The following ALG5 variants were observed in gnomAD, a reference collection of about 807,000 sequenced individuals.
ALG5 encodes ALG5 dolichyl-phosphate beta-glucosyltransferase.
A neutral mutation model predicts 51.8 loss-of-function variants in ALG5; 26 were observed. That is an observed-to-expected ratio of 0.50 (90% CI 0.37 to 0.70). The LOEUF is 0.70. Among genes scored for constraint, ALG5 ranks in the 30% least tolerant of loss-of-function variants. ALG5 has a pLI of 0.00. For synonymous variants in ALG5, 141 were observed against 136.1 expected (o/e 1.04, Z -0.25); for missense variants, 311 against 399.3 (o/e 0.78, Z 1.88).
chr13:36,960,399 G>T (rs540706404), intron 8 of ALG5, among the ~76,000 whole-genome samples: 1 of 151,760 alleles, frequency 6.6e-6, no homozygotes, highest in Non-Finnish European at 1.5e-5. Context: ...TGGAAATTGG[G>T]GCAAGGAATT....
rs1489739199 is a variant in ALG5 at position 36,959,281 on chromosome 13, C to A, written c.773+6294G>T. Among the ~76,000 whole-genome samples, 3 of 151,896 alleles carry A rather than the reference C, an allele frequency of 2.0e-5. No individual in the cohort carries two copies. The East Asian group carries it at 5.8e-4, about 29-fold the overall frequency. The stretch of plus-strand genomic sequence containing the variant: ...GGGAATAAGGTTTTTTTTTGGAGAT[C>A]TATTATACAATGTAGTGATTATAGT... On this transcript the variant is annotated intron_variant, in intron 8 of 9. Transcript: ENST00000239891.
chr13:36,989,616 A>AT lies in ALG5; in HGVS notation c.355-41dup, dbSNP rs762980157. On this transcript the variant is annotated intron_variant, in intron 4 of 9. Coordinates refer to ENST00000239891, the MANE Select transcript of ALG5 (RefSeq NM_013338.5). Reference sequence around the variant, plus strand: ...AAAAATCAGAATAAAATTAATTTGGATTAAAGAGAATTATATAAGCTGTGT... The same window carrying AT: ...AAAAATCAGAATAAAATTAATTTGGATTTAAAGAGAATTATATAAGCTGTGT... 14 of 1,452,114 alleles carry AT rather than the reference A, an allele frequency of 9.6e-6. 1 individual carries two copies. In the East Asian group the frequency reaches 1.7e-4, roughly 18 times the overall value. 90.0% of individuals were successfully genotyped at this position (1,452,114 alleles called of 1,614,324 possible).
chr13:36,995,351 G>C (rs555938821), intron 2 of ALG5, 74 bp downstream of exon 2: 1 of 1,468,302 alleles, frequency 6.8e-7, no homozygotes, highest in African/African-American at 1.4e-5. Flanking sequence ...GGCAAAGACA[G>C]TGAAGTCAAA....
chr13:36,949,759 T>A lies in ALG5; in HGVS notation c.*183A>T, dbSNP rs2138773006. 2.3e-6 allele frequency: 1 copy of A among 429,908 alleles called. No homozygotes were observed. The highest frequency in any genetic ancestry group is 3.5e-5 in the East Asian group (1 of 28,366). 26.6% of individuals were successfully genotyped at this position (429,908 alleles called of 1,614,324 possible). ...AATCTGACTTTTTAAATAAACATCTTTTAAAAATCATTTATATCCAAAGAG... is the reference window on the plus strand; with the variant it reads ...AATCTGACTTTTTAAATAAACATCTATTAAAAATCATTTATATCCAAAGAG... On this transcript the variant is annotated 3_prime_UTR_variant, in exon 10 of 10. Transcript: ENST00000239891.
Position 36,972,056 on chromosome 13 carries a change from T to G in ALG5, c.562-20A>C. 2 of 1,565,972 alleles carry G rather than the reference T, an allele frequency of 1.3e-6. No homozygotes were observed. Among genetic ancestry groups the G allele is most frequent in the Non-Finnish European group, 1.7e-6 (2 of 1,149,480 alleles). On this transcript the variant is annotated intron_variant, in intron 6 of 9. Transcript: ENST00000239891. ...TTGATTCTGAGGGAAAAAGCAGAGA[T>G]AGTTTTTCAATATTTAAATATCACT...
At chr13:36,979,805 T>C (rs191496199) in intron 6 of ALG5, among the ~76,000 whole-genome samples, 7 of 152,256 alleles carry the variant, frequency 4.6e-5, no homozygotes, top group Admixed American at 3.9e-4. Flanking sequence ...CCCAGCACTT[T>C]GGGGGCCAAG....
chr13:36,969,924 TTAAA>T (rs2058913867), intron 7 of ALG5, among the ~76,000 whole-genome samples: 1 of 152,066 alleles, frequency 6.6e-6, no homozygotes, highest in Admixed American at 6.6e-5. Context: ...TCCCATGTTA[TTAAA>T]TAGTCTCCAT....
chr13:36,965,241 G>T (rs1444769420), intron 8 of ALG5, among the ~76,000 whole-genome samples: 1 of 152,100 alleles, frequency 6.6e-6, no homozygotes, highest in African/African-American at 2.4e-5. Context: ...TCCGTAGAAG[G>T]AAGAAAAGAG....
intron 7 of ALG5, among the ~76,000 whole-genome samples, chr13:36,968,595 C>T (rs1464325196): frequency 6.6e-6 from 1 of 152,084 alleles, no homozygotes; most frequent in Non-Finnish European, 1.5e-5. Context: ...GTTTGTCTTC[C>T]AAGGGAGCAG....
intron 7 of ALG5, among the ~76,000 whole-genome samples, chr13:36,969,671 A>AT (rs1181036129): frequency 6.6e-6 from 1 of 151,920 alleles, no homozygotes; most frequent in African/African-American, 2.4e-5. Context: ...AGTAGCTGGG[A>AT]TTACAGGTGG....
chr13:36,987,921 C>T (rs1593682462), intron 5 of ALG5, among the ~76,000 whole-genome samples: 2 of 152,290 alleles, frequency 1.3e-5, no homozygotes, highest in African/African-American at 2.4e-5. Context: ...AAAAGCCCCT[C>T]GTCTACAGTT....
At chr13:36,995,763 G>A (rs1187184160) in intron 1 of ALG5, among the ~76,000 whole-genome samples, 167 bp from the exon 2 acceptor site, 2 of 152,140 alleles carry the variant, frequency 1.3e-5, no homozygotes. Context: ...AGACAATAGT[G>A]AGTCCCCTAC....
chr13:36,967,174 G>T (rs1248415584), intron 7 of ALG5, among the ~76,000 whole-genome samples: 2 of 148,912 alleles, frequency 1.3e-5, no homozygotes, highest in African/African-American at 5.0e-5. Flanking sequence ...AATGAGCCGA[G>T]ATGGCGCCAC....
At chr13:36,997,979 A>G (rs2059059198) in intron 1 of ALG5, among the ~76,000 whole-genome samples, 1 of 152,242 alleles carries the variant, frequency 6.6e-6, no homozygotes, top group South Asian at 2.1e-4. Flanking sequence ...AATGCTAATG[A>G]TAACATATAT....
intron 6 of ALG5, among the ~76,000 whole-genome samples, chr13:36,981,397 CCT>C (rs1593677585): frequency 6.6e-6 from 1 of 152,252 alleles, no homozygotes; most frequent in East Asian, 1.9e-4. Flanking sequence ...AACCCACGTT[CCT>C]GTTTCATTAT....
chr13:36,967,862 GA>G, intron 7 of ALG5: 1 of 1,070,602 alleles, frequency 9.3e-7, no homozygotes, highest in Non-Finnish European at 1.3e-6. Flanking sequence ...ATTAAAGGTA[GA>G]AAAACAATAC....
chr13:36,973,862 C>T (rs946922570), intron 6 of ALG5, among the ~76,000 whole-genome samples: 5 of 152,116 alleles, frequency 3.3e-5, no homozygotes, highest in South Asian at 2.1e-4. Context: ...AAGAGTAATG[C>T]GAATAAAACC....
At chr13:36,971,759 C>T (rs551155060) in intron 7 of ALG5, among the ~76,000 whole-genome samples, 3 of 150,368 alleles carry the variant, frequency 2.0e-5, no homozygotes, top group Non-Finnish European at 2.9e-5. Context: ...TAAGGCAAAG[C>T]GAAGTCCACA....
intron 9 of ALG5, among the ~76,000 whole-genome samples, chr13:36,950,797 G>A (rs564925300): frequency 2.6e-5 from 4 of 151,984 alleles, no homozygotes; most frequent in African/African-American, 4.8e-5. Context: ...TGTTGCCCAG[G>A]CTGGTCTCAA....
Sources: gnomAD v4.1 joint callset for allele counts (sites outside exome capture counted in the v4.1 genomes callset) on GRCh38, gnomAD v4.1.1 for gene constraint, MANE v1.5 for transcripts, NCBI Gene and HGNC (gene_info 2026-07-23, HGNC 2026-07-21) for gene names.